Variants in POU6F2 observed in about 807,000 individuals in gnomAD.
POU6F2 encodes the protein POU domain, class 6, transcription factor 2.
POU6F2 carries 31 observed loss-of-function variants against 71.3 expected under a neutral mutation model. The observed-to-expected ratio is 0.43, with a 90% CI of 0.33 to 0.59. The LOEUF (loss-of-function observed/expected upper bound fraction) is 0.59. POU6F2 is among the 20% of genes least tolerant of loss of function. The pLI, the probability that POU6F2 is intolerant of heterozygous loss-of-function variation, is 0.04. For synonymous variants in POU6F2, 347 were observed against 355.7 expected (o/e 0.98, Z 0.27); for missense variants, 783 against 856.8 (o/e 0.91, Z 1.07).
intron 5 of POU6F2, among the ~76,000 whole-genome samples, chr7:39,367,875 T>C (rs566032052): frequency 6.6e-6 from 1 of 152,214 alleles, no homozygotes; most frequent in South Asian, 2.1e-4. Context: ...CAGTGATCTT[T>C]GATGTTACTA....
rs147012341 is a variant in POU6F2 at position 39,117,022 on chromosome 7, G to T, written c.277+30991G>T. Reference sequence around the variant, plus strand: ...TTGTTTGTATGGTGAGTCTGAGAGAGCTCCTTTTTTGAGGTGAATTATAGC... The same window carrying T: ...TTGTTTGTATGGTGAGTCTGAGAGATCTCCTTTTTTGAGGTGAATTATAGC... On this transcript the variant is annotated intron_variant, in intron 2 of 9. Transcript: ENST00000518318. Among the ~76,000 whole-genome samples, 953 of 152,206 alleles carry T rather than the reference G, an allele frequency of 6.3e-3. 12 individuals are homozygous for T. The highest frequency in any genetic ancestry group is 0.021 in the African/African-American group (879 of 41,520).
At chr7:39,341,710 G>A (rs1333189477) in intron 5 of POU6F2, among the ~76,000 whole-genome samples, 4 of 152,092 alleles carry the variant, frequency 2.6e-5, no homozygotes, top group Admixed American at 6.6e-5. Flanking sequence ...CCAGTTGTCC[G>A]ATATAGTCCA....
chr7:39,409,767 C>T (rs1787514134), intron 6 of POU6F2, among the ~76,000 whole-genome samples: 2 of 152,188 alleles, frequency 1.3e-5, no homozygotes, highest in African/African-American at 2.4e-5. Flanking sequence ...AGAAAGAAAT[C>T]CCCCCTCCTG....
intron 2 of POU6F2, among the ~76,000 whole-genome samples, chr7:39,109,224 A>G (rs1791755223): frequency 6.6e-6 from 1 of 151,994 alleles, no homozygotes; most frequent in African/African-American, 2.4e-5. Flanking sequence ...AATTTTTTGT[A>G]GAGACTTTGC....
intron 4 of POU6F2, among the ~76,000 whole-genome samples, chr7:39,263,476 C>T (rs1172846133): frequency 2.0e-5 from 3 of 152,138 alleles, no homozygotes; most frequent in Non-Finnish European, 4.4e-5. Context: ...CTTTTAAGAT[C>T]AGAGGATTGT....
intron 5 of POU6F2, among the ~76,000 whole-genome samples, chr7:39,400,358 A>G (rs1034481111): frequency 6.6e-6 from 1 of 152,214 alleles, no homozygotes; most frequent in Non-Finnish European, 1.5e-5. Flanking sequence ...TTCCACCCAG[A>G]TCCCCTGGAA....
intron 6 of POU6F2, among the ~76,000 whole-genome samples, chr7:39,415,793 T>C (rs1787660232): frequency 6.6e-6 from 1 of 152,188 alleles, no homozygotes; most frequent in African/African-American, 2.4e-5. Context: ...TCTATAATCC[T>C]AACAGAGCAG....
intron 5 of POU6F2, among the ~76,000 whole-genome samples, chr7:39,358,914 T>G (rs1786319251): frequency 1.3e-5 from 2 of 152,052 alleles, no homozygotes; most frequent in African/African-American, 2.4e-5. Flanking sequence ...AAGATGCTTT[T>G]ATTGTCCCAT....
chr7:39,263,135 AAAATTC>A (rs1168273544), intron 4 of POU6F2, among the ~76,000 whole-genome samples: 1 of 152,242 alleles, frequency 6.6e-6, no homozygotes, highest in Non-Finnish European at 1.5e-5. Flanking sequence ...GCACAATTTT[AAAATTC>A]AAAAATGTAA....
intron 1 of POU6F2, among the ~76,000 whole-genome samples, chr7:39,048,438 A>G (rs1790336133): frequency 1.3e-5 from 2 of 151,560 alleles, no homozygotes. Context: ...GAGAAAATGC[A>G]TTATTTGGTT....
At chr7:39,253,416 T>C (rs1783963766) in intron 4 of POU6F2, among the ~76,000 whole-genome samples, 1 of 152,264 alleles carries the variant, frequency 6.6e-6, no homozygotes. Flanking sequence ...ACATGGTGGC[T>C]TGTGATAGAC....
At chr7:39,257,659 C>G (rs1784051404) in intron 4 of POU6F2, among the ~76,000 whole-genome samples, 1 of 152,068 alleles carries the variant, frequency 6.6e-6, no homozygotes, top group Non-Finnish European at 1.5e-5. Flanking sequence ...GGCAAGAGAA[C>G]TAGGCTTAGA....
chr7:39,427,355 AT>A lies in POU6F2; in HGVS notation c.1114-5713del, dbSNP rs957563672. On this transcript the variant is annotated intron_variant, in intron 6 of 9. Transcript: ENST00000518318. ...TGGCCTTAAATCCAGCCAGTGGGGA[AT>A]TTTTTTTTCCTTGGTACACATCTTA... Among the ~76,000 whole-genome samples, 5 of 151,946 alleles carry A rather than the reference AT, an allele frequency of 3.3e-5. No homozygotes were observed. In the East Asian group the frequency reaches 7.7e-4, roughly 23 times the overall value.
chr7:39,034,741 T>C (rs1325991927), intron 1 of POU6F2, among the ~76,000 whole-genome samples: 3 of 152,150 alleles, frequency 2.0e-5, no homozygotes, highest in African/African-American at 7.2e-5. Context: ...AGGTTGTTTA[T>C]GATCATAATT....
At chr7:39,281,114 T>A (rs1784555191) in intron 4 of POU6F2, among the ~76,000 whole-genome samples, 1 of 149,058 alleles carries the variant, frequency 6.7e-6, no homozygotes, top group Non-Finnish European at 1.5e-5. Context: ...ATGTTTATAT[T>A]TTTTTATTTT....
chr7:39,378,674 A>G (rs1311368381), intron 5 of POU6F2, among the ~76,000 whole-genome samples: 1 of 152,180 alleles, frequency 6.6e-6, no homozygotes, highest in Non-Finnish European at 1.5e-5. Context: ...CAACATTGTA[A>G]TATTTATCCA....
chr7:39,261,086 CA>C (rs1784131234), intron 4 of POU6F2, among the ~76,000 whole-genome samples: 4 of 152,060 alleles, frequency 2.6e-5, no homozygotes, highest in Admixed American at 6.6e-5. Context: ...CACACACACA[CA>C]CACACCCCAC....
At chr7:39,375,816 A>C (rs1786699638) in intron 5 of POU6F2, among the ~76,000 whole-genome samples, 1 of 152,132 alleles carries the variant, frequency 6.6e-6, no homozygotes, top group Non-Finnish European at 1.5e-5. Context: ...GGCAGTCAAT[A>C]GCAGGAGATG....
chr7:39,252,315 A>T (rs1031273768), intron 4 of POU6F2, among the ~76,000 whole-genome samples: 25 of 151,734 alleles, frequency 1.6e-4, no homozygotes, highest in Non-Finnish European at 3.1e-4. Flanking sequence ...AATCCTACAA[A>T]CCAGTTACAA....
Sources: gnomAD v4.1 joint callset for allele counts (sites outside exome capture counted in the v4.1 genomes callset) on GRCh38, gnomAD v4.1.1 for gene constraint, MANE v1.5 for transcripts, NCBI Gene and HGNC (gene_info 2026-07-23, HGNC 2026-07-21) for gene names.